Variants in NXPE2 observed in about 807,000 individuals in gnomAD.
NXPE2 encodes the protein NXPE family member 2.
A neutral mutation model predicts 34.4 loss-of-function variants in NXPE2; 34 were observed. That is an observed-to-expected ratio of 0.99 (90% CI 0.75 to 1.31). The LOEUF (loss-of-function observed/expected upper bound fraction) is 1.31, where lower values mean the gene tolerates loss of function less well. Among genes scored for constraint, NXPE2 ranks in the 40% most tolerant of loss-of-function variants. NXPE2 has a pLI of 0.00. For missense variants in NXPE2, 649 were observed against 672.5 expected (o/e 0.97, Z 0.39); for synonymous variants, 235 against 231.3 (o/e 1.02, Z -0.15).
the NXPE2 span, among the ~76,000 whole-genome samples, chr11:114,481,633 A>G: frequency 6.6e-6 from 1 of 152,204 alleles, no homozygotes; most frequent in Non-Finnish European, 1.5e-5. Context: ...GTTAAGTTAG[A>G]AGACATGTAA....
At chr11:114,595,315 A>T in the NXPE2 span, among the ~76,000 whole-genome samples, 1 of 152,194 alleles carries the variant, frequency 6.6e-6, no homozygotes, top group South Asian at 2.1e-4. Flanking sequence ...TACTTAAAAA[A>T]ATTTCAGGCT....
the NXPE2 span, among the ~76,000 whole-genome samples, chr11:114,615,933 C>T: frequency 4.9e-5 from 7 of 141,740 alleles, no homozygotes; most frequent in South Asian, 2.3e-4. Context: ...TAATATGTAT[C>T]GACTTATGGG....
the NXPE2 span, among the ~76,000 whole-genome samples, chr11:114,773,384 C>T: frequency 1.3e-5 from 2 of 150,518 alleles, no homozygotes; most frequent in African/African-American, 4.9e-5. Flanking sequence ...CAGATAAGAA[C>T]CCCCCGCCCC....
the NXPE2 span, among the ~76,000 whole-genome samples, chr11:114,726,967 T>TCTTTACAGCTCTC: frequency 6.6e-6 from 1 of 151,614 alleles, no homozygotes; most frequent in African/African-American, 2.4e-5. Flanking sequence ...ACAGAAGCTT[T>TCTTTACAGCTCTC]CTCTTTCTTT....
chr11:114,730,599 T>C, the NXPE2 span, among the ~76,000 whole-genome samples: 1 of 152,156 alleles, frequency 6.6e-6, no homozygotes, highest in South Asian at 2.1e-4. Context: ...GTTCTTCTTG[T>C]AGAGGTCTTT....
chr11:114,530,359 A>C, the NXPE2 span: 1 of 1,614,222 alleles, frequency 6.2e-7, no homozygotes, highest in Non-Finnish European at 8.5e-7. Context: ...CATTCAGTGA[A>C]GACATGAGAG....
chr11:114,614,082 A>G, the NXPE2 span, among the ~76,000 whole-genome samples: 7 of 142,210 alleles, frequency 4.9e-5, no homozygotes, highest in Non-Finnish European at 9.3e-5. Flanking sequence ...ATAACCACTG[A>G]TACCTGGTTT....
chr11:114,704,518 A>G (rs1951436078), intron 4 of NXPE2, among the ~76,000 whole-genome samples: 10 of 152,212 alleles, frequency 6.6e-5, no homozygotes, highest in Admixed American at 6.5e-4. Context: ...TAATCATATG[A>G]ACTTTAGTGG....
chr11:114,661,838 GA>G, the NXPE2 span, among the ~76,000 whole-genome samples: 5 of 152,002 alleles, frequency 3.3e-5, no homozygotes, highest in East Asian at 1.9e-4. Context: ...GAGGTTGACA[GA>G]AAAAAAATTA....
the NXPE2 span, among the ~76,000 whole-genome samples, chr11:114,779,904 C>T: frequency 1.3e-5 from 2 of 152,178 alleles, no homozygotes; most frequent in African/African-American, 2.4e-5. Context: ...AGTCTTCTCC[C>T]CTCCCTGCCC....
chr11:114,596,409 A>G, the NXPE2 span, among the ~76,000 whole-genome samples: 2 of 152,174 alleles, frequency 1.3e-5, no homozygotes, highest in Admixed American at 6.5e-5. Context: ...TGGGTTGATT[A>G]CTGCTGCCCT....
Position 114,696,341 on chromosome 11 carries a change from A to AAC in NXPE2, c.133-1703_133-1702insCA, listed in dbSNP as rs1174566085. On this transcript the variant is annotated intron_variant, in intron 2 of 5. Coordinates refer to ENST00000389586, the MANE Select transcript of NXPE2 (RefSeq NM_182495.6). ...AGTGAGACTCCATATCAAAAAAACC[A>AAC]AAAAAAAAAAAAAAAAAAGAAAGAA... is the stretch of plus-strand genomic sequence containing the variant. Among the ~76,000 whole-genome samples the AAC allele has an allele frequency of 1.0e-2, 751 of 75,274 alleles. 18 individuals are homozygous for AAC. The highest frequency in any genetic ancestry group is 0.03 in the African/African-American group (704 of 23,718). 49.4% of individuals were successfully genotyped at this position (75,274 alleles called of 152,430 possible). A position where few individuals can be genotyped will look rare whatever the true frequency, so the allele number is the denominator to read the frequency against.
the NXPE2 span, among the ~76,000 whole-genome samples, chr11:114,638,809 G>C: frequency 6.6e-6 from 1 of 152,110 alleles, no homozygotes; most frequent in South Asian, 2.1e-4. Context: ...GCTGCTGTCT[G>C]ATTGTTCCTC....
chr11:114,722,712 T>G, the NXPE2 span, among the ~76,000 whole-genome samples: 1 of 152,214 alleles, frequency 6.6e-6, no homozygotes, highest in Non-Finnish European at 1.5e-5. Flanking sequence ...ATATGAGCAC[T>G]GCTATCCTGT....
downstream of NXPE2, among the ~76,000 whole-genome samples, chr11:114,711,125 C>T (rs983344565): frequency 2.0e-5 from 3 of 152,090 alleles, no homozygotes; most frequent in Non-Finnish European, 4.4e-5. Flanking sequence ...GAAAAGCCCA[C>T]AGTTAATACC....
chr11:114,688,904 A>C (rs758868886), intron 2 of NXPE2, among the ~76,000 whole-genome samples: 21 of 152,062 alleles, frequency 1.4e-4, no homozygotes, highest in Non-Finnish European at 1.9e-4. Flanking sequence ...GTAGTCTCTG[A>C]AGATAATTGT....
At chr11:114,727,078 G>T in the NXPE2 span, among the ~76,000 whole-genome samples, 6 of 152,054 alleles carry the variant, frequency 3.9e-5, no homozygotes, top group Non-Finnish European at 8.8e-5. Context: ...TCAGTACTCA[G>T]TTCCAAAGCC....
chr11:114,643,425 C>G, the NXPE2 span, among the ~76,000 whole-genome samples: 1 of 151,982 alleles, frequency 6.6e-6, no homozygotes, highest in African/African-American at 2.4e-5. Context: ...TCTTGAGTTA[C>G]TTTTTGTATA....
the NXPE2 span, among the ~76,000 whole-genome samples, chr11:114,499,496 G>T: frequency 6.6e-5 from 10 of 151,822 alleles, no homozygotes. Flanking sequence ...TATCAATTTT[G>T]ATTTGTAGAT....
Sources: allele counts gnomAD v4.1 joint callset (sites outside exome capture counted in the v4.1 genomes callset), GRCh38; gene constraint gnomAD v4.1.1; transcripts MANE v1.5; gene names NCBI Gene and HGNC (gene_info 2026-07-23, HGNC 2026-07-21).